Variants in HDGFL2 observed in about 807,000 individuals in gnomAD.
The protein encoded by HDGFL2 is hepatoma-derived growth factor-related protein 2.
A neutral mutation model predicts 77.1 loss-of-function variants in HDGFL2; 36 were observed. The observed-to-expected ratio is 0.47, with a 90% CI of 0.36 to 0.62. HDGFL2 has a LOEUF of 0.62. Among genes scored for constraint, HDGFL2 ranks in the 20% least tolerant of loss-of-function variants. The pLI is 0.00. For missense variants in HDGFL2, 976 were observed against 973.4 expected, an observed-to-expected ratio of 1.00 and a Z score of -0.04; for synonymous variants, 463 against 413.1, an observed-to-expected ratio of 1.12 and a Z score of -1.46.
In HDGFL2 at chr19:4,475,220, G is replaced by C. The variant is rs539587015; in HGVS notation, c.73-55G>C. On this transcript the variant is annotated intron_variant, in intron 1 of 15. Transcript: ENST00000616600. ...CCCCAAGTAACTTGGCTGATTTCTC[G>C]GTGATTTCCTGGGTCAGTGGGTAAA... is the stretch of plus-strand genomic sequence containing the variant. 4.6e-6 allele frequency: 7 copies of C among 1,509,236 alleles called. No homozygotes were observed. In the East Asian group the frequency reaches 6.8e-5, roughly 15 times the overall value. The allele number at this position is 1,509,236 out of a possible 1,614,324, so 93.5% of individuals were successfully genotyped here. A position where few individuals can be genotyped will look rare whatever the true frequency, so the allele number is the denominator to read the frequency against.
At chr19:4,497,419 T>C in intron 10 of HDGFL2, 1 of 282,338 alleles carries the variant, frequency 3.5e-6, no homozygotes, top group Non-Finnish European at 6.9e-6. Flanking sequence ...GGATGGTCTC[T>C]ATCTCCTAAA....
chr19:4,496,291 G>A lies in HDGFL2; in HGVS notation c.1225-11G>A. ...CCCACTGCTCCAGCGCGCCCTTCCT[G>A]ACTGCTATAGGCCAAGAAATCAGCG... On this transcript the variant is annotated splice_polypyrimidine_tract_variant and intron_variant, in intron 9 of 15. Coordinates refer to ENST00000616600, the MANE Select transcript of HDGFL2 (RefSeq NM_001001520.3). 1 of 1,613,318 alleles carries A rather than the reference G, an allele frequency of 6.2e-7. No individual in the cohort carries two copies. The highest frequency in any genetic ancestry group is 1.1e-5 in the South Asian group (1 of 91,048).
chr19:4,501,446 C>A, intron 15 of HDGFL2, 129 bp downstream of exon 15: 2 of 1,136,516 alleles, frequency 1.8e-6, no homozygotes, highest in Non-Finnish European at 1.2e-6. Context: ...CTTACTCGGG[C>A]CTCCCACCTT....
Position 4,498,123 on chromosome 19 carries a change from A to G in HDGFL2, c.1402+92A>G, listed in dbSNP as rs930050860. ...TGGCTGGCCTGTCCCGCCTGTCCCT[A>G]GAGAGGGTGCTCAGCACATCCTCGG... On this transcript the variant is annotated intron_variant, in intron 11 of 15. Coordinates refer to ENST00000616600, the MANE Select transcript of HDGFL2 (RefSeq NM_001001520.3). The G allele has an allele frequency of 2.9e-5, 37 of 1,280,846 alleles. No individual in the cohort carries two copies. The Admixed American group carries it at 6.6e-4, about 23-fold the overall frequency. The allele number at this position is 1,280,846 out of a possible 1,614,324, so 79.3% of individuals were successfully genotyped here. A position where few individuals can be genotyped will look rare whatever the true frequency, so the allele number is the denominator to read the frequency against.
chr19:4,494,359 A>G lies in HDGFL2; in HGVS notation c.1108A>G (p.Ser370Gly). 1 of 1,405,652 alleles carries G rather than the reference A, an allele frequency of 7.1e-7. No homozygotes were observed. Among genetic ancestry groups the G allele is most frequent in the Non-Finnish European group, 9.2e-7 (1 of 1,084,554 alleles). 87.1% of individuals were successfully genotyped at this position (1,405,652 alleles called of 1,614,324 possible). Residue 370 changes from serine (S) to glycine (G), a missense_variant, in exon 9 of 16, where the codon AGC becomes GGC. Physicochemically the swap from Ser to Gly is moderately conservative, Grantham distance 56 (BLOSUM62 0). This residue lies in a region of HDGFL2 where 567 missense variants were observed against 534.7 expected (regional missense o/e 1.06). Coordinates refer to ENST00000616600, the MANE Select transcript of HDGFL2 (RefSeq NM_001001520.3). Reference sequence around the variant, plus strand: ...GGCTGAGCGGGGCAGCGGCGGCAGCAGCGGGGACGAGCTCAGGGAGGACGA... The same window carrying G: ...GGCTGAGCGGGGCAGCGGCGGCAGCGGCGGGGACGAGCTCAGGGAGGACGA... ...GEAERGSGGS[S>G]GDELREDDEP...
intron 3 of HDGFL2, among the ~76,000 whole-genome samples, chr19:4,485,289 G>A (rs79317238): frequency 0.1 from 15,159 of 152,238 alleles, 945 homozygotes; most frequent in South Asian, 0.21. Flanking sequence ...ACTTCTGTCA[G>A]CTGAGCGTGG....
At chr19:4,495,385 C>CAAAAAAA (rs747305046) in intron 9 of HDGFL2, among the ~76,000 whole-genome samples, 12 of 54,234 alleles carry the variant, frequency 2.2e-4, no homozygotes, top group South Asian at 8.2e-4. Flanking sequence ...GACTCCATCT[C>CAAAAAAA]AAAAAAAAAA....
intron 6 of HDGFL2, among the ~76,000 whole-genome samples, chr19:4,493,303 T>TGTGTGTGTGGTGTCTGTGTGTGGC (rs1975598433): frequency 2.7e-5 from 4 of 149,428 alleles, no homozygotes; most frequent in Admixed American, 2.7e-4. Flanking sequence ...GTGTGTGTGG[T>TGTGTGTGTGGTGTCTGTGTGTGGC]GTGTGTGTGG....
In HDGFL2 at chr19:4,493,879, C is replaced by T. The variant is rs1323230365; in HGVS notation, c.838+17C>T. 8.0e-6 allele frequency: 12 copies of T among 1,505,360 alleles called. No homozygotes were observed. Among genetic ancestry groups the T allele is most frequent in the Admixed American group, 6.5e-5 (3 of 46,502 alleles). 93.3% of individuals were successfully genotyped at this position (1,505,360 alleles called of 1,614,324 possible). A position where few individuals can be genotyped will look rare whatever the true frequency, so the allele number is the denominator to read the frequency against. On this transcript the variant is annotated intron_variant, in intron 7 of 15. Transcript: ENST00000616600. ...GGAAGCCAGGTAGGGCCCTCGTGCT[C>T]GCACATCTCTTGGCCTGGCCCCTGC...
At chr19:4,472,898 G>A (rs1974981303) in intron 1 of HDGFL2, among the ~76,000 whole-genome samples, 3 of 151,368 alleles carry the variant, frequency 2.0e-5, no homozygotes, top group Non-Finnish European at 3.0e-5. Flanking sequence ...GCGCCCCGGG[G>A]TCTGGGGGCC....
rs777480341 is a variant in HDGFL2 at position 4,501,974 on chromosome 19, A to G, written c.1980A>G (p.Ala660=). The G allele has an allele frequency of 5.9e-6, 9 of 1,512,606 alleles. No individual in the cohort carries two copies. In the South Asian group the frequency reaches 1.1e-4, roughly 19 times the overall value. 93.7% of individuals were successfully genotyped at this position (1,512,606 alleles called of 1,614,324 possible). A position where few individuals can be genotyped will look rare whatever the true frequency, so the allele number is the denominator to read the frequency against. Residue 660 remains alanine, a synonymous_variant, in exon 16 of 16, where the codon GCA becomes GCG. Transcript: ENST00000616600. ...PGSDRQERER[A]RGDSEALDEE... ...GCGACCGGCAGGAGCGCGAGAGGGC[A>G]CGGGGGGACTCGGAGGCCCTGGACG... is the stretch of plus-strand genomic sequence containing the variant.
intron 11 of HDGFL2, 99 bp downstream of exon 11, chr19:4,498,130 G>A: frequency 7.9e-7 from 1 of 1,258,204 alleles, no homozygotes; most frequent in Non-Finnish European, 1.1e-6. Context: ...CCTAGAGAGG[G>A]TGCTCAGCAC....
chr19:4,491,730 G>T (rs1413811654), intron 5 of HDGFL2, 34 bp from the exon 6 acceptor site: 2 of 1,613,452 alleles, frequency 1.2e-6, no homozygotes, highest in South Asian at 1.1e-5. Context: ...GTGGCTGCCA[G>T]TGGGCCCCAG....
At chr19:4,473,112 G>A (rs1193607943) in intron 1 of HDGFL2, among the ~76,000 whole-genome samples, 2 of 151,016 alleles carry the variant, frequency 1.3e-5, no homozygotes, top group African/African-American at 4.9e-5. Context: ...TGGGGGTCCC[G>A]GGCCCGAGGA....
chr19:4,499,756 A>G (rs2145219120), intron 14 of HDGFL2, 52 bp downstream of exon 14: 3 of 1,358,748 alleles, frequency 2.2e-6, no homozygotes, highest in East Asian at 2.4e-5. Context: ...AGCTGAAGAA[A>G]CAGATGCTTT....
rs1425186501 is a variant in HDGFL2 at position 4,475,535 on chromosome 19, G to T, written c.240G>T (p.Gly80=). 1.9e-6 allele frequency: 3 copies of T among 1,596,154 alleles called. No individual in the cohort carries two copies. Among genetic ancestry groups the T allele is most frequent in the Non-Finnish European group, 2.6e-6 (3 of 1,175,482 alleles). ...ACAAGAGGAAAGGCTTCAATGAAGG[G>T]CTGTGGGAGATCCAGAACAACCCCC... ...KPNKRKGFNE[G]LWEIQNNPHA... The change falls in exon 3 of 16, where the codon GGG becomes GGT. Residue 80 remains glycine, a synonymous_variant. Coordinates refer to ENST00000616600, the MANE Select transcript of HDGFL2 (RefSeq NM_001001520.3).
intron 6 of HDGFL2, among the ~76,000 whole-genome samples, chr19:4,493,240 GGTAT>G (rs2040508590): frequency 7.4e-6 from 1 of 135,312 alleles, no homozygotes; most frequent in South Asian, 2.3e-4. Context: ...GTATCTGTGT[GGTAT>G]GTGTGTTGTC....
chr19:4,491,863 T>C, intron 6 of HDGFL2, 28 bp downstream of exon 6: 1 of 1,594,236 alleles, frequency 6.3e-7, no homozygotes, highest in Non-Finnish European at 8.6e-7. Context: ...TTGTTTCCCA[T>C]GCCCACTCGT....
At chr19:4,474,849 G>A in intron 1 of HDGFL2, 1 of 174,036 alleles carries the variant, frequency 5.7e-6, no homozygotes, top group Non-Finnish European at 1.2e-5. Context: ...GCTCAGGGCC[G>A]TTTCTTGTAG....
Sources: gnomAD v4.1 joint callset for allele counts (sites outside exome capture counted in the v4.1 genomes callset) on GRCh38, gnomAD v4.1.1 for gene constraint, gnomAD v4.1.1 regional missense constraint, MANE v1.5 for transcripts, NCBI Gene and HGNC (gene_info 2026-07-23, HGNC 2026-07-21) for gene names.